Variants in FOXA3 observed in about 807,000 individuals in gnomAD.
The protein encoded by FOXA3 is hepatocyte nuclear factor 3-gamma.
A neutral mutation model predicts 16.9 loss-of-function variants in FOXA3; 11 were observed. The ratio of observed to expected loss-of-function variants is 0.65; its 90% CI spans 0.41 to 1.08. The LOEUF (loss-of-function observed/expected upper bound fraction) is 1.08, where lower values mean the gene tolerates loss of function less well. Among genes scored for constraint, FOXA3 ranks in the 50% least tolerant of loss-of-function variants. The pLI is 0.00. For missense variants in FOXA3, 423 were observed against 470.1 expected, an observed-to-expected ratio of 0.90 and a Z score of 0.93; for synonymous variants, 217 against 203.3, an observed-to-expected ratio of 1.07 and a Z score of -0.57.
At chr19:45,866,134 C>A (rs186023560) in intron 1 of FOXA3, among the ~76,000 whole-genome samples, 85 of 152,098 alleles carry the variant, frequency 5.6e-4, no homozygotes, top group Admixed American at 5.6e-3. Flanking sequence ...GAAGGAAAGC[C>A]GGCACAGTGG....
chr19:45,873,580 A>T lies in FOXA3; in HGVS notation c.*522A>T, dbSNP rs955563531. The T allele has an allele frequency of 1.2e-5, 2 of 165,826 alleles. No homozygotes were observed. Among genetic ancestry groups the T allele is most frequent in the African/African-American group, 4.8e-5 (2 of 41,740 alleles). 10.3% of individuals were successfully genotyped at this position (165,826 alleles called of 1,614,324 possible). A position where few individuals can be genotyped will look rare whatever the true frequency, so the allele number is the denominator to read the frequency against. ...TGGCTGCTGCAGCCCCGTGTTGGCC[A>T]TGTCGTCACCATTCTCTCTGGCATG... On this transcript the variant is annotated 3_prime_UTR_variant, in exon 2 of 2. Coordinates refer to ENST00000302177, the MANE Select transcript of FOXA3 (RefSeq NM_004497.3).
At chr19:45,864,647 G>A (rs1424796574) in intron 1 of FOXA3, 122 bp downstream of exon 1, 2 of 709,680 alleles carry the variant, frequency 2.8e-6, no homozygotes, top group Non-Finnish European at 4.0e-6. Flanking sequence ...GGCAGCTGAG[G>A]AACTGGGAAC....
At chr19:45,865,640 T>C (rs760870782) in intron 1 of FOXA3, among the ~76,000 whole-genome samples, 10 of 151,914 alleles carry the variant, frequency 6.6e-5, no homozygotes, top group Non-Finnish European at 1.5e-5. Context: ...ATCTGGTGAC[T>C]GCGGGGGCCC....
intron 1 of FOXA3, among the ~76,000 whole-genome samples, chr19:45,869,247 T>C (rs1287162039): frequency 6.6e-6 from 1 of 150,840 alleles, no homozygotes; most frequent in African/African-American, 2.4e-5. Context: ...GCCTAGTCAC[T>C]GCGTTTATAG....
intron 1 of FOXA3, among the ~76,000 whole-genome samples, chr19:45,865,448 C>T (rs1404023522): frequency 3.3e-5 from 5 of 152,148 alleles, no homozygotes; most frequent in African/African-American, 1.2e-4. Context: ...CTTGCTGCAA[C>T]GACCCCTACA....
At chr19:45,864,592 C>CA in intron 1 of FOXA3, 67 bp downstream of exon 1, 2 of 1,316,094 alleles carry the variant, frequency 1.5e-6, no homozygotes, top group South Asian at 3.3e-5. Flanking sequence ...TCACATGGAG[C>CA]AGGGACTGGT....
At position 45,872,102 on chromosome 19, in the gene FOXA3, A is replaced by C; in HGVS notation, c.97A>C (p.Thr33Pro). 7 of 1,608,312 alleles carry C rather than the reference A, an allele frequency of 4.4e-6. No homozygotes were observed. The highest frequency in any genetic ancestry group is 5.1e-6 in the Non-Finnish European group (6 of 1,177,122). The change falls in exon 2 of 2, where the codon ACC (threonine) becomes CCC (proline). Residue 33 changes from threonine to proline, a missense_variant. Coordinates refer to ENST00000302177, the MANE Select transcript of FOXA3 (RefSeq NM_004497.3). The surrounding 1 kb of genome is among the most constrained non-coding windows in gnomAD (Gnocchi z 4.5). Reference sequence around the variant, plus strand: ...CTACTCGCCGGTGACCCCAGTGCCCACCATGGCCCCCCTCAACTCCTACAT... The same window carrying C: ...CTACTCGCCGGTGACCCCAGTGCCCCCCATGGCCCCCCTCAACTCCTACAT... The part of the protein sequence containing the change: ...EVYSPVTPVP[T>P]MAPLNSYMTL...
In FOXA3 at chr19:45,872,675, A is replaced by T. The variant is rs1389473514; in HGVS notation, c.670A>T (p.Ser224Cys). The T allele has an allele frequency of 6.2e-7, 1 of 1,611,598 alleles. No individual in the cohort carries two copies. The highest frequency in any genetic ancestry group is 1.7e-5 in the Admixed American group (1 of 59,696). The change falls in exon 2 of 2, where the codon AGC becomes TGC. Residue 224 changes from serine to cysteine, a missense_variant. Around this residue, in one of 3 missense-constraint regions of FOXA3, gnomAD observed 168 missense variants for 179.3 expected, o/e 0.94. Transcript: ENST00000302177. The surrounding 1 kb of genome is among the most constrained non-coding windows in gnomAD (Gnocchi z 4.5). ...GGAGGAGAAGGTGAAAAAAGGGGGC[A>T]GCGGGGCTGCCACCACCACCAGGAA... ...KLEEKVKKGGSGAATTTRNGT... is the reference protein window; with the variant it reads ...KLEEKVKKGGCGAATTTRNGT...
intron 1 of FOXA3, 137 bp from the exon 2 acceptor site, chr19:45,871,938 A>C: frequency 1.2e-6 from 1 of 865,896 alleles, no homozygotes; most frequent in South Asian, 1.7e-5. Context: ...ACTGCTTTCT[A>C]CAGATAGAGG....
intron 1 of FOXA3, among the ~76,000 whole-genome samples, chr19:45,867,506 A>G (rs1462433306): frequency 6.6e-6 from 1 of 151,956 alleles, no homozygotes; most frequent in Non-Finnish European, 1.5e-5. Context: ...GTGGCTCGTC[A>G]TGGTAGCTCA....
intron 1 of FOXA3, among the ~76,000 whole-genome samples, chr19:45,869,018 C>T (rs1972110530): frequency 6.6e-6 from 1 of 152,136 alleles, no homozygotes; most frequent in Non-Finnish European, 1.5e-5. Flanking sequence ...ACCTCTGCCT[C>T]CTGGGTTCAA....
At chr19:45,867,976 C>T (rs1013602423) in intron 1 of FOXA3, among the ~76,000 whole-genome samples, 2 of 128,928 alleles carry the variant, frequency 1.6e-5, no homozygotes, top group Non-Finnish European at 3.2e-5. Context: ...CGGGAGGGGT[C>T]GAGGGTGGGC....
rs1206870407 is a variant in FOXA3, at chr19:45,873,097, CACACCACGA to C, written c.*41_*49del. 1 of 1,558,782 alleles carries C rather than the reference CACACCACGA, an allele frequency of 6.4e-7. No individual in the cohort carries two copies. Among genetic ancestry groups the C allele is most frequent in the Non-Finnish European group, 8.7e-7 (1 of 1,150,818 alleles). ...CATGGTGGTGGGTATGGCTGGAGCT[CACACCACGA>C]AGCTCTTGGGGCCTGATCCTTCTGG... is the stretch of plus-strand genomic sequence containing the variant. On this transcript the variant is annotated 3_prime_UTR_variant, in exon 2 of 2. Transcript: ENST00000302177.
intron 1 of FOXA3, among the ~76,000 whole-genome samples, chr19:45,868,075 G>C (rs914079266): frequency 6.6e-6 from 1 of 151,966 alleles, no homozygotes; most frequent in African/African-American, 2.4e-5. Flanking sequence ...ATGGGTACTA[G>C]TACTGAGACG....
chr19:45,873,092 G>T lies in FOXA3; in HGVS notation c.*34G>T. 6.4e-7 allele frequency: 1 copy of T among 1,562,316 alleles called. No individual in the cohort carries two copies. The highest frequency in any genetic ancestry group is 2.4e-5 in the East Asian group (1 of 42,328). On this transcript the variant is annotated 3_prime_UTR_variant, in exon 2 of 2. Transcript: ENST00000302177. ...GGGAACATGGTGGTGGGTATGGCTG[G>T]AGCTCACACCACGAAGCTCTTGGGG...
At chr19:45,871,748 C>A (rs1284466105) in intron 1 of FOXA3, among the ~76,000 whole-genome samples, 1 of 151,790 alleles carries the variant, frequency 6.6e-6, no homozygotes, top group Non-Finnish European at 1.5e-5. Context: ...AAAAAAATAG[C>A]ATTATTTTGA....
rs1966922838 is a variant in FOXA3 at position 45,872,815 on chromosome 19, T to A, written c.810T>A (p.Ala270=). 7.4e-6 allele frequency: 12 copies of A among 1,612,534 alleles called. No individual in the cohort carries two copies. The highest frequency in any genetic ancestry group is 1.0e-5 in the Non-Finnish European group (12 of 1,179,968). ...PEAQGGEDVG[A]LDCGSPASST... ...CCCAGGGCGGGGAAGATGTGGGGGC[T>A]CTGGACTGTGGCTCACCCGCTTCCT... Residue 270 remains alanine (A), a synonymous_variant, in exon 2 of 2, where the codon GCT becomes GCA. Transcript: ENST00000302177. The surrounding 1 kb of genome is among the most constrained non-coding windows in gnomAD (Gnocchi z 4.5).
rs4803867 is a variant in FOXA3, at chr19:45,866,042, G to T, written c.69+1517G>T. On this transcript the variant is annotated intron_variant, in intron 1 of 1. Transcript: ENST00000302177. ...TCTTAAGTAAATGATGGGGGTCTAGGCAGGAGGAGTTGATATTTGGGGCAC... is the reference window on the plus strand; with the variant it reads ...TCTTAAGTAAATGATGGGGGTCTAGTCAGGAGGAGTTGATATTTGGGGCAC... 3.5e-3 allele frequency among the ~76,000 whole-genome samples: 530 copies of T among 152,188 alleles called. 4 individuals carry two copies. The highest frequency in any genetic ancestry group is 0.011 in the African/African-American group (474 of 41,508).
Position 45,872,224 on chromosome 19 carries a change from C to A in FOXA3, c.219C>A (p.Pro73=). 6.2e-7 allele frequency: 1 copy of A among 1,605,838 alleles called. No homozygotes were observed. Among genetic ancestry groups the A allele is most frequent in the Non-Finnish European group, 8.5e-7 (1 of 1,174,516 alleles). Residue 73 remains proline, a synonymous_variant, in exon 2 of 2, where the codon CCC becomes CCA. Transcript: ENST00000302177. The surrounding 1 kb of genome is among the most constrained non-coding windows in gnomAD (Gnocchi z 4.5). ...TGGCACCCCCAGCACCTGCAGCCCC[C>A]CTGGGGCCCACTTTCCCAGGCCTGG... The part of the protein sequence containing the change: ...GPLAPPAPAA[P]LGPTFPGLGV...
Sources: allele counts gnomAD v4.1 joint callset (sites outside exome capture counted in the v4.1 genomes callset), GRCh38; gene constraint gnomAD v4.1.1; regional missense constraint gnomAD v4.1.1; non-coding constraint Gnocchi (gnomAD v3.1); transcripts MANE v1.5; gene names NCBI Gene and HGNC (gene_info 2026-07-23, HGNC 2026-07-21).